The following BTRC variants were observed in gnomAD, a reference collection of about 807,000 sequenced individuals.
BTRC encodes the protein beta-transducin repeat containing E3 ubiquitin protein ligase.
A neutral mutation model predicts 85.5 loss-of-function variants in BTRC; 42 were observed. The observed-to-expected ratio is 0.49, with a 90% CI of 0.38 to 0.64. The LOEUF (loss-of-function observed/expected upper bound fraction) is 0.64, where lower values mean the gene tolerates loss of function less well. Ranked by LOEUF, BTRC falls within the 30% of genes least tolerant of loss-of-function variation. BTRC has a pLI of 0.00. For synonymous variants in BTRC, 255 were observed against 263.3 expected (o/e 0.97, Z 0.30); for missense variants, 594 against 743.5 (o/e 0.80, Z 2.34).
chr10:101,532,221 T>G, intron 7 of BTRC, 74 bp from the exon 8 acceptor site: 1 of 1,480,788 alleles, frequency 6.8e-7, no homozygotes. Context: ...AGCCATTGAT[T>G]GTCATTAAAG....
rs1416828970 is a variant in BTRC at position 101,555,554 on chromosome 10, G to T, written c.*2431G>T. On this transcript the variant is annotated 3_prime_UTR_variant, in exon 15 of 15. Coordinates refer to ENST00000370187, the MANE Select transcript of BTRC (RefSeq NM_033637.4). ...TCGTTCACATTTCTCAGCTCTGGGG[G>T]TCATTTACCAGTTTGTTGTAGAAGA... 2 of 152,522 alleles carry T rather than the reference G, an allele frequency of 1.3e-5. No individual in the cohort carries two copies. The highest frequency in any genetic ancestry group is 4.8e-5 in the African/African-American group (2 of 41,450). 9.4% of individuals were successfully genotyped at this position (152,522 alleles called of 1,614,324 possible).
At chr10:101,444,988 TA>T (rs1198790421) in intron 2 of BTRC, among the ~76,000 whole-genome samples, 1 of 152,202 alleles carries the variant, frequency 6.6e-6, no homozygotes, top group African/African-American at 2.4e-5. Context: ...TGAAAGATAT[TA>T]CACAATGAAT....
intron 1 of BTRC, among the ~76,000 whole-genome samples, chr10:101,409,388 G>A (rs919400001): frequency 1.3e-5 from 2 of 152,140 alleles, no homozygotes; most frequent in Non-Finnish European, 2.9e-5. Context: ...TCATGTTATA[G>A]CATTTATTAG....
intron 2 of BTRC, among the ~76,000 whole-genome samples, chr10:101,451,608 G>A (rs542588963): frequency 6.6e-6 from 1 of 152,246 alleles, no homozygotes; most frequent in Middle Eastern, 3.4e-3. Flanking sequence ...GGCTTGTGAG[G>A]TAATGACAAG....
intron 4 of BTRC, among the ~76,000 whole-genome samples, chr10:101,490,568 A>G (rs1446559073): frequency 6.6e-6 from 1 of 152,182 alleles, no homozygotes; most frequent in Admixed American, 6.5e-5. Flanking sequence ...TTCAGGTAGT[A>G]TTTGGAGGCC....
intron 1 of BTRC, among the ~76,000 whole-genome samples, chr10:101,403,679 C>G (rs1277795979): frequency 6.6e-6 from 1 of 152,088 alleles, no homozygotes; most frequent in Non-Finnish European, 1.5e-5. Context: ...CAGCCTCGAC[C>G]TCTCAGGCTC....
intron 4 of BTRC, among the ~76,000 whole-genome samples, chr10:101,491,456 A>C (rs566775291): frequency 1.4e-4 from 22 of 152,096 alleles, no homozygotes; most frequent in Non-Finnish European, 3.2e-4. Flanking sequence ...GTACTTTGGG[A>C]GGCTGAGGTG....
chr10:101,496,471 A>G (rs867690297), intron 4 of BTRC, among the ~76,000 whole-genome samples: 3 of 152,178 alleles, frequency 2.0e-5, no homozygotes, highest in African/African-American at 2.4e-5. Flanking sequence ...TCTGGAGTGC[A>G]TCAGCGCAAT....
intron 2 of BTRC, among the ~76,000 whole-genome samples, chr10:101,461,029 A>AGTAGCTGG (rs1462697257): frequency 1.3e-5 from 2 of 151,942 alleles, no homozygotes; most frequent in East Asian, 3.9e-4. Context: ...CAGACTCTCG[A>AGTAGCTGG]GTAGCTGGGA....
intron 4 of BTRC, among the ~76,000 whole-genome samples, chr10:101,488,642 T>C (rs1456218216): frequency 1.3e-5 from 2 of 152,224 alleles, no homozygotes; most frequent in Admixed American, 6.5e-5. Flanking sequence ...TTGCAGCGTG[T>C]TAGTCTTTAC....
chr10:101,354,079 G>GGT, upstream of BTRC: 1 of 1,365,368 alleles, frequency 7.3e-7, no homozygotes. Flanking sequence ...AAGAGAGGGC[G>GGT]GGGGGAAGGA....
intron 4 of BTRC, among the ~76,000 whole-genome samples, chr10:101,512,859 AAAG>A (rs1342115368): frequency 6.6e-6 from 1 of 152,222 alleles, no homozygotes; most frequent in African/African-American, 2.4e-5. Context: ...TATAAACAAA[AAAG>A]AAGAGGGAGA....
In BTRC at chr10:101,536,635, T is replaced by G. The variant is rs1418567720; in HGVS notation, c.1559T>G (p.Val520Gly). 4 of 1,612,622 alleles carry G rather than the reference T, an allele frequency of 2.5e-6. No individual in the cohort carries two copies. Among genetic ancestry groups the G allele is most frequent in the Non-Finnish European group, 2.5e-6 (3 of 1,178,800 alleles). Reference protein sequence around the residue: ...RCIRFDNKRIVSGAYDGKIKV... With the variant: ...RCIRFDNKRIGSGAYDGKIKV... ...ATTCGATTTGATAACAAGAGGATAG[T>G]CAGTGGGGCCTATGATGGGTGAGTG... Residue 520 changes from valine to glycine, a missense_variant, in exon 12 of 15, where the codon GTC becomes GGC. Physicochemically the swap from Val to Gly is moderately radical, Grantham distance 109. Around this residue, in one of 4 missense-constraint regions of BTRC, gnomAD observed 373 missense variants for 503.6 expected, o/e 0.74. Coordinates refer to ENST00000370187, the MANE Select transcript of BTRC (RefSeq NM_033637.4).
chr10:101,538,254 G>C (rs2062415871), intron 12 of BTRC, 39 bp from the exon 13 acceptor site: 2 of 1,527,740 alleles, frequency 1.3e-6, no homozygotes, highest in Non-Finnish European at 1.8e-6. Context: ...TCTTACATTT[G>C]CTTTTAACTA....
chr10:101,477,464 A>G (rs1243512701), intron 3 of BTRC, among the ~76,000 whole-genome samples: 3 of 152,158 alleles, frequency 2.0e-5, no homozygotes, highest in African/African-American at 7.2e-5. Context: ...AAGTATAACT[A>G]TAGTATTACC....
intron 1 of BTRC, among the ~76,000 whole-genome samples, chr10:101,387,528 C>CTTTTTTTTTTTTGTTTTTTTTTTT (rs1943112050): frequency 2.2e-5 from 1 of 45,122 alleles, no homozygotes; most frequent in East Asian, 1.3e-3. Flanking sequence ...CTTCATGGGA[C>CTTTTTTTTTTTTGTTTTTTTTTTT]TTTTTTTTTT....
chr10:101,358,532 A>C (rs563683745), intron 1 of BTRC, among the ~76,000 whole-genome samples: 1 of 152,242 alleles, frequency 6.6e-6, no homozygotes. Context: ...AGATAAATGA[A>C]ACAGTATAAA....
chr10:101,535,019 T>C (rs961316521), intron 10 of BTRC, 109 bp downstream of exon 10: 1 of 1,293,512 alleles, frequency 7.7e-7, no homozygotes, highest in Non-Finnish European at 1.1e-6. Context: ...AAATGTAATA[T>C]TTAATTCAGA....
chr10:101,411,616 T>G (rs1274841418), intron 1 of BTRC, among the ~76,000 whole-genome samples: 1 of 152,196 alleles, frequency 6.6e-6, no homozygotes, highest in Non-Finnish European at 1.5e-5. Flanking sequence ...TATTTTTCAT[T>G]CTGGAACTTT....
Sources: allele counts gnomAD v4.1 joint callset (sites outside exome capture counted in the v4.1 genomes callset), GRCh38; gene constraint gnomAD v4.1.1; regional missense constraint gnomAD v4.1.1; transcripts MANE v1.5; gene names NCBI Gene and HGNC (gene_info 2026-07-23, HGNC 2026-07-21).